The following MAGI3 variants were observed in gnomAD, a reference collection of about 807,000 sequenced individuals.
The protein encoded by MAGI3 is membrane associated guanylate kinase, WW and PDZ domain containing 3, also known as membrane-associated guanylate kinase, WW and PDZ domain-containing protein 3.
MAGI3 carries 43 observed loss-of-function variants against 121.8 expected under a neutral mutation model. That is an observed-to-expected ratio of 0.35 (90% CI 0.28 to 0.46). The LOEUF (loss-of-function observed/expected upper bound fraction) is 0.46. MAGI3 is among the 20% of genes least tolerant of loss of function. MAGI3 has a pLI of 1.00. For missense variants in MAGI3, 1,547 were observed against 1,797.3 expected, an observed-to-expected ratio of 0.86 and a Z score of 2.52; for synonymous variants, 553 against 639.3, an observed-to-expected ratio of 0.86 and a Z score of 2.04.
intron 1 of MAGI3, among the ~76,000 whole-genome samples, chr1:113,457,384 T>A (rs1485490921): frequency 6.6e-6 from 1 of 152,172 alleles, no homozygotes; most frequent in Non-Finnish European, 1.5e-5. Context: ...TTACAATTAA[T>A]CTGAAAGTCA....
intron 2 of MAGI3, among the ~76,000 whole-genome samples, chr1:113,579,592 G>A (rs1017436354): frequency 7.9e-5 from 12 of 152,144 alleles, no homozygotes; most frequent in African/African-American, 2.9e-4. Context: ...TTTTAGAAAA[G>A]TCACTGACTG....
chr1:113,683,973 A>G lies in MAGI3; in HGVS notation c.4405A>G (p.Lys1469Glu). Residue 1469 changes from lysine (K) to glutamate (E), a missense_variant, in exon 21 of 21, where the codon AAA (lysine) becomes GAA (glutamate). Physicochemically the swap from Lys to Glu is moderately conservative, Grantham distance 56 (BLOSUM62 1). Transcript: ENST00000307546. Reference protein sequence around the residue: ...PGPWKVPSGNKVTGTIGMAEK... With the variant: ...PGPWKVPSGNEVTGTIGMAEK... ...GCCCTGGAAGGTTCCAAGTGGAAAT[A>G]AAGTCACAGGCACTATTGGTATGGC... 3 of 1,598,712 alleles carry G rather than the reference A, an allele frequency of 1.9e-6. No homozygotes were observed. The highest frequency in any genetic ancestry group is 2.6e-6 in the Non-Finnish European group (3 of 1,174,452).
At chr1:113,396,110 A>C (rs1651101341) in intron 1 of MAGI3, among the ~76,000 whole-genome samples, 1 of 152,136 alleles carries the variant, frequency 6.6e-6, no homozygotes, top group African/African-American at 2.4e-5. Context: ...TGACTTATGA[A>C]GTCAGTGCCT....
At chr1:113,670,141 G>C (rs1298997753) in intron 16 of MAGI3, among the ~76,000 whole-genome samples, 1 of 151,828 alleles carries the variant, frequency 6.6e-6, no homozygotes, top group African/African-American at 2.4e-5. Flanking sequence ...TCCAGGTCTA[G>C]TACACATTGT....
At chr1:113,535,732 C>T (rs1418217346) in intron 1 of MAGI3, among the ~76,000 whole-genome samples, 1 of 152,120 alleles carries the variant, frequency 6.6e-6, no homozygotes, top group Non-Finnish European at 1.5e-5. Flanking sequence ...TCTTTCAAAG[C>T]TAGATTATTG....
chr1:113,514,054 G>T (rs1657758515), intron 1 of MAGI3, among the ~76,000 whole-genome samples: 1 of 151,980 alleles, frequency 6.6e-6, no homozygotes. Flanking sequence ...TCAGAGAAAT[G>T]CAAATCAAAA....
At chr1:113,600,250 G>A (rs1250360677) in intron 6 of MAGI3, among the ~76,000 whole-genome samples, 4 of 152,034 alleles carry the variant, frequency 2.6e-5, no homozygotes, top group Admixed American at 6.6e-5. Context: ...GGAAATAAAC[G>A]GTATTCAATT....
chr1:113,551,700 G>C lies in MAGI3; in HGVS notation c.433+2069G>C, dbSNP rs1055891837. ...GTGTGAAACTTCTTAAATTTTTATT[G>C]ATGTGATCAATATCTTTAGCCTCAG... On this transcript the variant is annotated intron_variant, in intron 2 of 20. Transcript: ENST00000307546. Among the ~76,000 whole-genome samples the C allele has an allele frequency of 3.3e-5, 5 of 152,096 alleles. No homozygotes were observed. In the East Asian group the frequency reaches 9.7e-4, roughly 29 times the overall value.
chr1:113,680,026 AC>A (rs1381300906), intron 19 of MAGI3, among the ~76,000 whole-genome samples: 1 of 152,204 alleles, frequency 6.6e-6, no homozygotes, highest in Non-Finnish European at 1.5e-5. Context: ...TTTTACACTA[AC>A]ATCACTAAGT....
intron 17 of MAGI3, among the ~76,000 whole-genome samples, chr1:113,672,391 T>TA (rs908841173): frequency 1.3e-5 from 2 of 152,152 alleles, no homozygotes; most frequent in Non-Finnish European, 2.9e-5. Flanking sequence ...GAGATGTCCT[T>TA]AAAAAAATTG....
In MAGI3 at chr1:113,511,308, C is replaced by T. The variant is rs1329646569; in HGVS notation, c.317-38207C>T. Among the ~76,000 whole-genome samples, 3 of 152,146 alleles carry T rather than the reference C, an allele frequency of 2.0e-5. No individual in the cohort carries two copies. In the East Asian group the frequency reaches 5.8e-4, roughly 29 times the overall value. On this transcript the variant is annotated intron_variant, in intron 1 of 20. Coordinates refer to ENST00000307546, the MANE Select transcript of MAGI3 (RefSeq NM_001142782.2). ...AAATATAAAATCTTGTTATAATTCA[C>T]TTGACAGTAAATATTTAAAACTAAG...
At chr1:113,620,481 C>T (rs1236436890) in intron 8 of MAGI3, among the ~76,000 whole-genome samples, 1 of 152,136 alleles carries the variant, frequency 6.6e-6, no homozygotes, top group Non-Finnish European at 1.5e-5. Context: ...TTGTAGTAAT[C>T]CAGTAGATTC....
chr1:113,539,815 A>T, intron 1 of MAGI3, among the ~76,000 whole-genome samples: 2 of 144,636 alleles, frequency 1.4e-5, no homozygotes, highest in African/African-American at 2.6e-5. Context: ...TTGAGATAGG[A>T]TCTCATTCTG....
chr1:113,437,961 C>CT (rs1653713313), intron 1 of MAGI3, among the ~76,000 whole-genome samples: 1 of 145,596 alleles, frequency 6.9e-6, no homozygotes, highest in South Asian at 2.3e-4. Context: ...TTCTTCTTTT[C>CT]TTTTTTGAAT....
intron 1 of MAGI3, among the ~76,000 whole-genome samples, chr1:113,542,765 GCA>G (rs1047605287): frequency 6.6e-6 from 1 of 152,098 alleles, no homozygotes; most frequent in Non-Finnish European, 1.5e-5. Context: ...ATACGCGTGT[GCA>G]CACACACAAA....
chr1:113,598,971 C>T (rs1011457861), intron 6 of MAGI3, among the ~76,000 whole-genome samples: 3 of 152,106 alleles, frequency 2.0e-5, no homozygotes, highest in Non-Finnish European at 4.4e-5. Context: ...CTTTTGTGGG[C>T]ATTTAGTGCT....
chr1:113,639,967 G>A (rs1056223070), intron 9 of MAGI3, among the ~76,000 whole-genome samples: 5 of 152,172 alleles, frequency 3.3e-5, no homozygotes, highest in African/African-American at 4.8e-5. Context: ...GGCATGAGCC[G>A]CTGCGCCTGG....
intron 1 of MAGI3, among the ~76,000 whole-genome samples, chr1:113,437,460 TG>T (rs779617899): frequency 1.5e-3 from 235 of 152,224 alleles, no homozygotes; most frequent in Middle Eastern, 3.4e-3. Flanking sequence ...ATAAGTAATT[TG>T]TGTTTTTAAG....
chr1:113,395,138 G>C (rs1363619760), intron 1 of MAGI3, among the ~76,000 whole-genome samples: 2 of 47,122 alleles, frequency 4.2e-5, no homozygotes, highest in East Asian at 1.3e-3. Context: ...TAGGATTTTT[G>C]ATGAGTTTTG....
Sources: gnomAD v4.1 joint callset for allele counts (sites outside exome capture counted in the v4.1 genomes callset) on GRCh38, gnomAD v4.1.1 for gene constraint, MANE v1.5 for transcripts, NCBI Gene and HGNC (gene_info 2026-07-23, HGNC 2026-07-21) for gene names.